The following PLD5 variants were observed in gnomAD, a reference collection of about 807,000 sequenced individuals.
PLD5 encodes the protein inactive phospholipase D5.
Under a neutral mutation model 61.1 loss-of-function variants are expected in PLD5, and 36 were observed. That is an observed-to-expected ratio of 0.59 (90% CI 0.45 to 0.78). The LOEUF is 0.78. Among genes scored for constraint, PLD5 ranks in the 30% least tolerant of loss-of-function variants. PLD5 has a pLI of 0.00. For synonymous variants in PLD5, 243 were observed against 242.8 expected, an observed-to-expected ratio of 1.00 and a Z score of -0.01; for missense variants, 515 against 644.4, an observed-to-expected ratio of 0.80 and a Z score of 2.17.
rs562069098 is a variant in PLD5 at position 242,314,954 on chromosome 1, T to G, written c.327-26424A>C. On this transcript the variant is annotated intron_variant, in intron 2 of 9. Transcript: ENST00000536534. ...TGTCACTGCAGCCTAAAATGCTTCC[T>G]AATTTCTGTAAATGAAATACAACAC... Among the ~76,000 whole-genome samples, 4 of 152,320 alleles carry G rather than the reference T, an allele frequency of 2.6e-5. No individual in the cohort carries two copies. The East Asian group carries it at 5.8e-4, about 22-fold the overall frequency.
At position 242,524,339 on chromosome 1, in the gene PLD5, G is replaced by C; in HGVS notation, c.-63C>G. The stretch of plus-strand genomic sequence containing the variant: ...TCGGGACGGGCGCGCGGGGAGCCGG[G>C]CGCGGAGGGCGAGCGGGAGGCCCAG... On this transcript the variant is annotated 5_prime_UTR_variant, in exon 1 of 10. Coordinates refer to ENST00000536534, the MANE Select transcript of PLD5 (RefSeq NM_001372062.1). The C allele has an allele frequency of 2.2e-6, 3 of 1,335,294 alleles. No homozygotes were observed. The highest frequency in any genetic ancestry group is 2.9e-6 in the Non-Finnish European group (3 of 1,044,874). 82.7% of individuals were successfully genotyped at this position (1,335,294 alleles called of 1,614,324 possible).
upstream of PLD5, among the ~76,000 whole-genome samples, chr1:242,525,735 C>T (rs1035032909): frequency 2.6e-5 from 4 of 152,162 alleles, no homozygotes; most frequent in Non-Finnish European, 4.4e-5. Context: ...GGCAGAACTG[C>T]CCTACTTGAA....
intron 8 of PLD5, among the ~76,000 whole-genome samples, chr1:242,102,071 T>C (rs1027093900): frequency 2.6e-5 from 4 of 152,180 alleles, no homozygotes; most frequent in Non-Finnish European, 5.9e-5. Flanking sequence ...TAATAACCTG[T>C]GAATGTTCTT....
At chr1:242,425,428 A>G (rs1665364956) in intron 1 of PLD5, among the ~76,000 whole-genome samples, 1 of 152,208 alleles carries the variant, frequency 6.6e-6, no homozygotes, top group Non-Finnish European at 1.5e-5. Flanking sequence ...TTAAAATGGT[A>G]TACCTGTAGA....
chr1:242,298,556 A>T (rs1312422098), intron 2 of PLD5, among the ~76,000 whole-genome samples: 1 of 152,116 alleles, frequency 6.6e-6, no homozygotes, highest in African/African-American at 2.4e-5. Context: ...CCTTTGTCTT[A>T]TCTTAGAGGG....
chr1:242,143,223 T>G (rs1419605052), intron 5 of PLD5, among the ~76,000 whole-genome samples: 1 of 151,684 alleles, frequency 6.6e-6, no homozygotes, highest in Non-Finnish European at 1.5e-5. Flanking sequence ...TTTTCTTTTT[T>G]TGTATTTTTA....
chr1:242,386,531 G>C (rs12140069), intron 1 of PLD5, among the ~76,000 whole-genome samples: 3,040 of 152,198 alleles, frequency 0.02, 107 homozygotes, highest in East Asian at 0.11. Context: ...TCAGTTTACA[G>C]GAAGGAGAAA....
intron 1 of PLD5, among the ~76,000 whole-genome samples, chr1:242,450,194 C>G (rs533266104): frequency 6.6e-6 from 1 of 152,196 alleles, no homozygotes; most frequent in Non-Finnish European, 1.5e-5. Flanking sequence ...AGCTGGCACA[C>G]AGCAGCAGCT....
intron 1 of PLD5, among the ~76,000 whole-genome samples, chr1:242,458,962 G>A (rs890491176): frequency 6.6e-6 from 1 of 151,986 alleles, no homozygotes; most frequent in Non-Finnish European, 1.5e-5. Context: ...CTATTACTGC[G>A]ACTGCTGCTA....
At chr1:242,216,705 C>G (rs1176481778) in intron 5 of PLD5, among the ~76,000 whole-genome samples, 1 of 152,146 alleles carries the variant, frequency 6.6e-6, no homozygotes, top group African/African-American at 2.4e-5. Flanking sequence ...TGGCCTGGAC[C>G]CTCAGCCAAA....
chr1:242,089,078 GT>G lies in PLD5; in HGVS notation c.*775del. ...AGAGAAAGGATACATATTGCTGACT[GT>G]GATTTTTTTTAAATACCAATTCGGT... On this transcript the variant is annotated 3_prime_UTR_variant, in exon 10 of 10. Transcript: ENST00000536534. The G allele has an allele frequency of 2.7e-6, 1 of 366,328 alleles. No individual in the cohort carries two copies. Among genetic ancestry groups the G allele is most frequent in the Non-Finnish European group, 4.8e-6 (1 of 206,810 alleles). The allele number at this position is 366,328 out of a possible 1,614,324, so 22.7% of individuals were successfully genotyped here.
intron 1 of PLD5, among the ~76,000 whole-genome samples, chr1:242,419,874 T>G (rs761032733): frequency 6.6e-6 from 1 of 152,202 alleles, no homozygotes; most frequent in Non-Finnish European, 1.5e-5. Flanking sequence ...GAGACTTGAA[T>G]TCTATCAGCC....
intron 1 of PLD5, among the ~76,000 whole-genome samples, chr1:242,407,804 C>A (rs922010475): frequency 6.6e-6 from 1 of 151,980 alleles, no homozygotes; most frequent in Non-Finnish European, 1.5e-5. Flanking sequence ...GTCTCAAACT[C>A]CTGACCTCAT....
At chr1:242,381,154 C>T (rs751992930) in intron 1 of PLD5, among the ~76,000 whole-genome samples, 1 of 152,150 alleles carries the variant, frequency 6.6e-6, no homozygotes, top group African/African-American at 2.4e-5. Context: ...AATCCAAATG[C>T]CCATCAATGA....
rs1359076699 is a variant in PLD5 at position 242,352,835 on chromosome 1, A to G, written c.190-4593T>C. ...TTTTATGTATCTGTTACCCATTTGT[A>G]TGTCTTTAAAGAAATATCTGCGAAA... On this transcript the variant is annotated intron_variant, in intron 1 of 9. Transcript: ENST00000536534. Among the ~76,000 whole-genome samples the G allele has an allele frequency of 2.0e-5, 3 of 152,270 alleles. No individual in the cohort carries two copies. The East Asian group carries it at 5.8e-4, about 29-fold the overall frequency.
intron 1 of PLD5, among the ~76,000 whole-genome samples, chr1:242,444,144 A>ACTCATCTT (rs1166308950): frequency 6.6e-6 from 1 of 152,282 alleles, no homozygotes; most frequent in East Asian, 1.9e-4. Context: ...GAATGAGATT[A>ACTCATCTT]CTCATCTTCA....
rs1256663992 is a variant in PLD5, at chr1:242,256,750, CT to C, written c.607+8586del. On this transcript the variant is annotated intron_variant, in intron 4 of 9. Transcript: ENST00000536534. This position sits in a 1 kb window ranked among gnomAD's most constrained non-coding sequence, Gnocchi z 5.7. ...AGCACAAATGAACTAAGACTATCAT[CT>C]ATCTATCTATCTATCTATCTATCTA... Among the ~76,000 whole-genome samples the C allele has an allele frequency of 3.8e-5, 1 of 26,074 alleles. No individual in the cohort carries two copies. Among genetic ancestry groups the C allele is most frequent in the Non-Finnish European group, 6.8e-5 (1 of 14,716 alleles). 17.1% of individuals were successfully genotyped at this position (26,074 alleles called of 152,430 possible). A position where few individuals can be genotyped will look rare whatever the true frequency, so the allele number is the denominator to read the frequency against.
chr1:242,218,582 G>A (rs1473954580), intron 5 of PLD5, among the ~76,000 whole-genome samples: 1 of 152,194 alleles, frequency 6.6e-6, no homozygotes, highest in East Asian at 1.9e-4. Flanking sequence ...AAAGATTCCA[G>A]TGAGTAAAAA....
intron 1 of PLD5, among the ~76,000 whole-genome samples, chr1:242,480,090 A>G (rs577998746): frequency 9.2e-5 from 14 of 152,160 alleles, no homozygotes; most frequent in African/African-American, 3.4e-4. Flanking sequence ...AAGAAAGCTT[A>G]CATAATTTGA....
Sources: gnomAD v4.1 joint callset for allele counts (sites outside exome capture counted in the v4.1 genomes callset) on GRCh38, gnomAD v4.1.1 for gene constraint, Gnocchi (gnomAD v3.1) non-coding constraint, MANE v1.5 for transcripts, NCBI Gene and HGNC (gene_info 2026-07-23, HGNC 2026-07-21) for gene names.